The following AGAP1 variants were observed in gnomAD, a reference collection of about 807,000 sequenced individuals.
AGAP1 encodes ArfGAP with GTPase domain, ankyrin repeat and PH domain 1.
A neutral mutation model predicts 105.3 loss-of-function variants in AGAP1; 29 were observed. That is an observed-to-expected ratio of 0.28 (90% CI 0.21 to 0.38). The LOEUF (loss-of-function observed/expected upper bound fraction) is 0.38. Ranked by LOEUF, AGAP1 falls within the 10% of genes least tolerant of loss-of-function variation. The pLI is 1.00. For missense variants in AGAP1, 998 were observed against 1,165.1 expected, an observed-to-expected ratio of 0.86 and a Z score of 2.09; for synonymous variants, 509 against 485.9, an observed-to-expected ratio of 1.05 and a Z score of -0.63.
chr2:236,074,034 T>G (rs201470067), intron 16 of AGAP1, among the ~76,000 whole-genome samples: 1 of 152,196 alleles, frequency 6.6e-6, no homozygotes, highest in Non-Finnish European at 1.5e-5. Flanking sequence ...CCTGGAGACA[T>G]CCTGGATTGT....
In AGAP1 at chr2:235,864,076, C is replaced by A. The variant is rs1467979128; in HGVS notation, c.1051-19269C>A. Among the ~76,000 whole-genome samples the A allele has an allele frequency of 6.6e-6, 1 of 152,176 alleles. No homozygotes were observed. Among genetic ancestry groups the A allele is most frequent in the African/African-American group, 2.4e-5 (1 of 41,450 alleles). ...CTCGGTTTTGACTCTATAGATCTGA[C>A]TTGAATGCGCAAGCGGGCCGTTCCC... On this transcript the variant is annotated intron_variant, in intron 9 of 17. Coordinates refer to ENST00000304032, the MANE Select transcript of AGAP1 (RefSeq NM_001037131.3). This position sits in a 1 kb window ranked among gnomAD's most constrained non-coding sequence, Gnocchi z 5.0.
intron 9 of AGAP1, among the ~76,000 whole-genome samples, chr2:235,834,805 C>T (rs1007555106): frequency 1.1e-4 from 16 of 152,234 alleles, no homozygotes; most frequent in Non-Finnish European, 5.9e-5. Context: ...GACTTCTGGG[C>T]GCATGTGTGG....
chr2:235,756,849 A>C (rs1314863264), intron 6 of AGAP1, among the ~76,000 whole-genome samples: 1 of 152,102 alleles, frequency 6.6e-6, no homozygotes, highest in Non-Finnish European at 1.5e-5. Flanking sequence ...GTTTCATCCC[A>C]AAACCATCCC....
intron 9 of AGAP1, among the ~76,000 whole-genome samples, chr2:235,832,152 G>A (rs1559540084): frequency 6.6e-6 from 1 of 152,110 alleles, no homozygotes; most frequent in East Asian, 1.9e-4. Context: ...TTTTTTAATT[G>A]AGTTGTTCAC....
intron 3 of AGAP1, among the ~76,000 whole-genome samples, chr2:235,726,397 G>A (rs1483927853): frequency 2.0e-5 from 3 of 152,188 alleles, no homozygotes; most frequent in African/African-American, 7.2e-5. Context: ...TTCTTTAAGA[G>A]GAAAATGGAG....
Position 235,744,688 on chromosome 2 carries a change from C to T in AGAP1, c.397-10C>T. ...CAGCTCCTGCTCTCCTCCCCTTCTT[C>T]TCTCCCTAGTTTGCCATGTGGGTGG... On this transcript the variant is annotated splice_polypyrimidine_tract_variant and intron_variant, in intron 4 of 17. Coordinates refer to ENST00000304032, the MANE Select transcript of AGAP1 (RefSeq NM_001037131.3). The surrounding 1 kb of genome is among the most constrained non-coding windows in gnomAD (Gnocchi z 5.2). 1 of 1,613,948 alleles carries T rather than the reference C, an allele frequency of 6.2e-7. No individual in the cohort carries two copies. The highest frequency in any genetic ancestry group is 8.5e-7 in the Non-Finnish European group (1 of 1,180,012).
chr2:235,704,624 A>G (rs1950432290), intron 1 of AGAP1, among the ~76,000 whole-genome samples: 1 of 128,504 alleles, frequency 7.8e-6, no homozygotes, highest in Non-Finnish European at 1.8e-5. Flanking sequence ...CCAGCCTGGC[A>G]ACAGAGCGAG....
In AGAP1 at chr2:235,870,628, A is replaced by G. The variant is rs372031172; in HGVS notation, c.1051-12717A>G. On this transcript the variant is annotated intron_variant, in intron 9 of 17. Transcript: ENST00000304032. The stretch of plus-strand genomic sequence containing the variant: ...GCAACAAGAGTGAAACTCCATCTGG[A>G]AAAAAAAAAAAATGATGGAGAGGGA... 7.9e-3 allele frequency among the ~76,000 whole-genome samples: 1,143 copies of G among 144,404 alleles called. 25 individuals carry two copies. The South Asian group carries it at 0.091, about 11-fold the overall frequency. 94.7% of individuals were successfully genotyped at this position (144,404 alleles called of 152,430 possible).
In AGAP1 at chr2:235,874,111, GCAGTGGCGTGATCT is replaced by G. The variant is rs1403501971; in HGVS notation, c.1051-9230_1051-9217del. Reference sequence around the variant, plus strand: ...TCTTGCTCTGTCGCCAGGCTGGAGTGCAGTGGCGTGATCTCAGCTCACTGCAACCTCTCCCTCCA... The same window carrying G: ...TCTTGCTCTGTCGCCAGGCTGGAGTGCAGCTCACTGCAACCTCTCCCTCCA... On this transcript the variant is annotated intron_variant, in intron 9 of 17. Transcript: ENST00000304032. This position sits in a 1 kb window ranked among gnomAD's most constrained non-coding sequence, Gnocchi z 4.5. 6.6e-6 allele frequency among the ~76,000 whole-genome samples: 1 copy of G among 152,076 alleles called. No homozygotes were observed. Among genetic ancestry groups the G allele is most frequent in the Non-Finnish European group, 1.5e-5 (1 of 68,030 alleles).
intron 16 of AGAP1, among the ~76,000 whole-genome samples, chr2:236,094,328 A>G (rs150720596): frequency 6.6e-6 from 1 of 151,700 alleles, no homozygotes; most frequent in African/African-American, 2.4e-5. Flanking sequence ...ATGGGTCACC[A>G]TGGCCTATGA....
chr2:235,715,295 T>C (rs1951045611), intron 2 of AGAP1, among the ~76,000 whole-genome samples: 1 of 152,152 alleles, frequency 6.6e-6, no homozygotes, highest in Admixed American at 6.5e-5. Context: ...AGTGTACAGA[T>C]TCGGAGCTGG....
Position 235,824,028 on chromosome 2 carries a change from C to T in AGAP1, c.1050+16697C>T, listed in dbSNP as rs1470269705. ...GTCTGCCTATCCTAAAACCAGTGGTCTTCACATTGAAGGGCCTTATGTAGC... is the reference window on the plus strand; with the variant it reads ...GTCTGCCTATCCTAAAACCAGTGGTTTTCACATTGAAGGGCCTTATGTAGC... On this transcript the variant is annotated intron_variant, in intron 9 of 17. Coordinates refer to ENST00000304032, the MANE Select transcript of AGAP1 (RefSeq NM_001037131.3). The surrounding 1 kb of genome is among the most constrained non-coding windows in gnomAD (Gnocchi z 5.2). Among the ~76,000 whole-genome samples the T allele has an allele frequency of 6.6e-6, 1 of 152,224 alleles. No individual in the cohort carries two copies. The highest frequency in any genetic ancestry group is 1.5e-5 in the Non-Finnish European group (1 of 68,042).
rs73118084 is a variant in AGAP1 at position 236,001,303 on chromosome 2, G to A, written c.1645+32680G>A. ...CTCCGAGGAACCCAGAGGAGGAAACGCATTTTTGTGGTTTCACGCCACCCA... is the reference window on the plus strand; with the variant it reads ...CTCCGAGGAACCCAGAGGAGGAAACACATTTTTGTGGTTTCACGCCACCCA... On this transcript the variant is annotated intron_variant, in intron 13 of 17. Coordinates refer to ENST00000304032, the MANE Select transcript of AGAP1 (RefSeq NM_001037131.3). The surrounding 1 kb of genome is among the most constrained non-coding windows in gnomAD (Gnocchi z 4.7). 2.0e-5 allele frequency among the ~76,000 whole-genome samples: 3 copies of A among 152,180 alleles called. No homozygotes were observed. The highest frequency in any genetic ancestry group is 2.1e-4 in the South Asian group (1 of 4,828).
At chr2:235,878,678 C>T (rs2049865354) in intron 9 of AGAP1, among the ~76,000 whole-genome samples, 1 of 152,206 alleles carries the variant, frequency 6.6e-6, no homozygotes, top group Admixed American at 6.5e-5. Flanking sequence ...GAAATATTTG[C>T]TCATCTGCTC....
At position 235,936,946 on chromosome 2, in the gene AGAP1, T is replaced by C. The variant is rs1039299489; in HGVS notation, c.1483+6023T>C. 3.3e-5 allele frequency among the ~76,000 whole-genome samples: 5 copies of C among 152,082 alleles called. No homozygotes were observed. The highest frequency in any genetic ancestry group is 4.4e-5 in the Non-Finnish European group (3 of 67,996). ...TCATTCCCCTCTGCTTTTTTTTTTT[T>C]AAGGAGAAACGCATGCTTAGTACTA... On this transcript the variant is annotated intron_variant, in intron 12 of 17. Coordinates refer to ENST00000304032, the MANE Select transcript of AGAP1 (RefSeq NM_001037131.3). The surrounding 1 kb of genome is among the most constrained non-coding windows in gnomAD (Gnocchi z 4.7).
intron 1 of AGAP1, among the ~76,000 whole-genome samples, chr2:235,657,020 C>T (rs1288039671): frequency 6.6e-6 from 1 of 152,140 alleles, no homozygotes; most frequent in African/African-American, 2.4e-5. Context: ...AAGTGGAAAC[C>T]AGAGTCTAGA....
At position 236,014,085 on chromosome 2, in the gene AGAP1, C is replaced by A. The variant is rs78154383; in HGVS notation, c.1646-22476C>A. 3.2e-3 allele frequency among the ~76,000 whole-genome samples: 484 copies of A among 152,188 alleles called. 2 individuals carry two copies. Among genetic ancestry groups the A allele is most frequent in the Middle Eastern group, 0.014 (4 of 294 alleles). On this transcript the variant is annotated intron_variant, in intron 13 of 17. Transcript: ENST00000304032. The surrounding 1 kb of genome is among the most constrained non-coding windows in gnomAD (Gnocchi z 6.3). ...CGCCCTTGTTAAATTGGTTCTCTTCCGAACCCAGCGTCCCACTGTCGGTGA... is the reference window on the plus strand; with the variant it reads ...CGCCCTTGTTAAATTGGTTCTCTTCAGAACCCAGCGTCCCACTGTCGGTGA...
intron 16 of AGAP1, among the ~76,000 whole-genome samples, chr2:236,100,867 C>G (rs13418295): frequency 0.13 from 19,073 of 151,668 alleles, 2,161 homozygotes; most frequent in African/African-American, 0.3. Context: ...AGAAAGAAAA[C>G]CCAACTGTTG....
intron 3 of AGAP1, among the ~76,000 whole-genome samples, chr2:235,730,422 C>G (rs1185078988): frequency 1.3e-5 from 2 of 149,172 alleles, no homozygotes; most frequent in African/African-American, 5.0e-5. Context: ...TTAAATACCC[C>G]AGATGAGGAG....
Sources: gnomAD v4.1 joint callset for allele counts (sites outside exome capture counted in the v4.1 genomes callset) on GRCh38, gnomAD v4.1.1 for gene constraint, Gnocchi (gnomAD v3.1) non-coding constraint, MANE v1.5 for transcripts, NCBI Gene and HGNC (gene_info 2026-07-23, HGNC 2026-07-21) for gene names.